Variants in STK33 observed in about 807,000 individuals in gnomAD.
STK33 encodes serine/threonine kinase 33.
In STK33, 52 loss-of-function variants were observed where a neutral mutation model predicts 58.0. That is an observed-to-expected ratio of 0.90 (90% confidence interval 0.72 to 1.13). STK33 has a LOEUF of 1.13. Ranked by LOEUF, STK33 falls within the 50% of genes most tolerant of loss-of-function variation. The pLI, the probability that STK33 is intolerant of heterozygous loss-of-function variation, is 0.00. For synonymous variants in STK33, 215 were observed against 200.1 expected (o/e 1.07, Z -0.63); for missense variants, 630 against 604.2 (o/e 1.04, Z -0.45).
chr11:8,442,100 A>C (rs1223057662), intron 11 of STK33, among the ~76,000 whole-genome samples: 1 of 151,728 alleles, frequency 6.6e-6, no homozygotes, highest in Middle Eastern at 3.2e-3. Context: ...ATGGAATTTC[A>C]TTTCCTCCTT....
chr11:8,457,498 A>G lies in STK33; in HGVS notation c.559-19T>C, dbSNP rs1554946374. On this transcript the variant is annotated intron_variant, in intron 8 of 15. Coordinates refer to ENST00000687296, the MANE Select transcript of STK33 (RefSeq NM_001352389.2). ...ACATTTTCTGACATTATATATATAAAAGAGAGAGAGAGCAAATTATATATC... is the reference window on the plus strand; with the variant it reads ...ACATTTTCTGACATTATATATATAAGAGAGAGAGAGAGCAAATTATATATC... 1.3e-6 allele frequency: 2 copies of G among 1,555,218 alleles called. No individual in the cohort carries two copies. Among genetic ancestry groups the G allele is most frequent in the East Asian group, 2.3e-5 (1 of 44,050 alleles).
At chr11:8,373,858 G>A in the STK33 span, among the ~76,000 whole-genome samples, 1 of 152,186 alleles carries the variant, frequency 6.6e-6, no homozygotes, top group Admixed American at 6.5e-5. Flanking sequence ...TCAAAGAGGG[G>A]GCTGTGGCTG....
At chr11:8,547,331 C>T (rs989805737) in intron 1 of STK33, among the ~76,000 whole-genome samples, 1 of 152,220 alleles carries the variant, frequency 6.6e-6, no homozygotes, top group Non-Finnish European at 1.5e-5. Flanking sequence ...TCTCCTGCCT[C>T]AGCCTCCCTA....
the STK33 span, among the ~76,000 whole-genome samples, chr11:8,357,569 C>T: frequency 6.6e-6 from 1 of 152,364 alleles, no homozygotes; most frequent in East Asian, 1.9e-4. Flanking sequence ...TAGCCTTGAG[C>T]TCCAGGCCTC....
chr11:8,475,665 G>T (rs1251313488), intron 4 of STK33: 1 of 152,006 alleles, frequency 6.6e-6, no homozygotes. Flanking sequence ...ATTTTTCCCT[G>T]AGTCTAAAAT....
At chr11:8,447,197 T>A (rs1032329968) in intron 11 of STK33, among the ~76,000 whole-genome samples, 1 of 152,076 alleles carries the variant, frequency 6.6e-6, no homozygotes, top group African/African-American at 2.4e-5. Flanking sequence ...GCAGCCAACA[T>A]ACCAGAGGTA....
intron 15 of STK33, among the ~76,000 whole-genome samples, chr11:8,401,392 G>A (rs1290714274): frequency 2.6e-5 from 4 of 152,136 alleles, no homozygotes; most frequent in Non-Finnish European, 5.9e-5. Flanking sequence ...TTAATAAATG[G>A]TGCTGGGAAA....
intron 1 of STK33, among the ~76,000 whole-genome samples, chr11:8,577,721 T>C (rs908987351): frequency 1.3e-5 from 2 of 152,154 alleles, no homozygotes; most frequent in Admixed American, 6.6e-5. Context: ...GGTGTAAGTA[T>C]ACATGCCATT....
intron 14 of STK33, among the ~76,000 whole-genome samples, chr11:8,427,535 A>G (rs1368672941): frequency 6.6e-6 from 1 of 151,618 alleles, no homozygotes; most frequent in African/African-American, 2.4e-5. Flanking sequence ...TTCTTAAACG[A>G]TTTCCTCCTC....
chr11:8,475,108 C>T (rs754963625), intron 4 of STK33, 42 bp from the exon 5 acceptor site: 4 of 455,250 alleles, frequency 8.8e-6, no homozygotes, highest in Admixed American at 4.2e-5. Flanking sequence ...AAATTCTTAA[C>T]CTATTACCAT....
At chr11:8,517,673 A>G (rs1367778595) in intron 1 of STK33, among the ~76,000 whole-genome samples, 1 of 152,236 alleles carries the variant, frequency 6.6e-6, no homozygotes, top group African/African-American at 2.4e-5. Context: ...AAATCACAGC[A>G]TGAGAACTAC....
chr11:8,486,313 C>G (rs1950192146), intron 1 of STK33, among the ~76,000 whole-genome samples: 1 of 152,190 alleles, frequency 6.6e-6, no homozygotes, highest in African/African-American at 2.4e-5. Flanking sequence ...TTAACTCATA[C>G]TACTTCCTTA....
intron 1 of STK33, among the ~76,000 whole-genome samples, chr11:8,529,417 G>A (rs530669863): frequency 2.2e-4 from 33 of 152,288 alleles, no homozygotes; most frequent in African/African-American, 7.0e-4. Flanking sequence ...GTGGCAAAGA[G>A]CCATAGGACA....
chr11:8,542,390 C>T (rs920518367), intron 1 of STK33, among the ~76,000 whole-genome samples: 9 of 152,132 alleles, frequency 5.9e-5, no homozygotes, highest in African/African-American at 2.2e-4. Context: ...AAAAAAATTG[C>T]TTTTAAAATG....
chr11:8,510,907 C>T (rs1484184024), intron 1 of STK33, among the ~76,000 whole-genome samples: 1 of 151,878 alleles, frequency 6.6e-6, no homozygotes, highest in Non-Finnish European at 1.5e-5. Context: ...TAACTATAGC[C>T]TTGCAGTATA....
At chr11:8,407,958 T>C (rs953729817) in intron 15 of STK33, among the ~76,000 whole-genome samples, 1 of 151,972 alleles carries the variant, frequency 6.6e-6, no homozygotes, top group Non-Finnish European at 1.5e-5. Flanking sequence ...AGTGACACAA[T>C]ACATATAAGT....
intron 1 of STK33, among the ~76,000 whole-genome samples, chr11:8,551,685 C>T (rs1250325728): frequency 6.6e-6 from 1 of 152,140 alleles, no homozygotes; most frequent in East Asian, 1.9e-4. Flanking sequence ...CCATTCTGCG[C>T]AGAACTTGTA....
chr11:8,444,957 C>T (rs762402207), intron 11 of STK33, among the ~76,000 whole-genome samples: 9 of 151,996 alleles, frequency 5.9e-5, no homozygotes, highest in Non-Finnish European at 1.0e-4. Context: ...GGGGATAGCA[C>T]GAAATCTATA....
downstream of STK33, among the ~76,000 whole-genome samples, chr11:8,391,103 A>T (rs1297734798): frequency 1.3e-5 from 2 of 152,152 alleles, no homozygotes; most frequent in South Asian, 2.1e-4. Flanking sequence ...GGAAGGCTCC[A>T]CTTAGCTAAT....
Sources: allele counts gnomAD v4.1 joint callset (sites outside exome capture counted in the v4.1 genomes callset), GRCh38; gene constraint gnomAD v4.1.1; transcripts MANE v1.5; gene names NCBI Gene and HGNC (gene_info 2026-07-23, HGNC 2026-07-21).